ZNF773: variants seen among roughly 807,000 people sequenced by gnomAD.
The protein encoded by ZNF773 is zinc finger protein 419B.
ZNF773 carries 11 observed loss-of-function variants against 12.8 expected under a neutral mutation model. The ratio of observed to expected loss-of-function variants is 0.86; its 90% confidence interval spans 0.54 to 1.42. The LOEUF is 1.42. Among genes scored for constraint, ZNF773 ranks in the 40% most tolerant of loss-of-function variants. The pLI, the probability that ZNF773 is intolerant of heterozygous loss-of-function variation, is 0.00. For missense variants in ZNF773, 518 were observed against 527.2 expected (o/e 0.98, Z 0.17); for synonymous variants, 175 against 178.4 (o/e 0.98, Z 0.15).
chr19:57,503,989 C>T (rs1049069665), intron 1 of ZNF773, among the ~76,000 whole-genome samples: 9 of 152,144 alleles, frequency 5.9e-5, no homozygotes, highest in South Asian at 4.1e-4. Flanking sequence ...GTCAGAGGAA[C>T]GCTGACATTG....
chr19:57,505,474 G>C (rs1412201238), intron 3 of ZNF773, 74 bp downstream of exon 3: 6 of 1,529,706 alleles, frequency 3.9e-6, no homozygotes, highest in Middle Eastern at 1.7e-4. Flanking sequence ...TCTTTCCAGT[G>C]GGCCCAGATA....
intron 1 of ZNF773, among the ~76,000 whole-genome samples, chr19:57,504,075 G>A (rs2123253877): frequency 6.6e-6 from 1 of 152,318 alleles, no homozygotes; most frequent in South Asian, 2.1e-4. Context: ...CCAAGTAGCT[G>A]AAGGTGAAGC....
chr19:57,507,771 G>T lies in ZNF773; in HGVS notation c.*347G>T. On this transcript the variant is annotated 3_prime_UTR_variant, in exon 4 of 4. Coordinates refer to ENST00000282292, the MANE Select transcript of ZNF773 (RefSeq NM_198542.3). ...GGGCGGATCACAAGGTCAGGACATCGAAACCATCCTGGTTAACACAATGAA... is the reference window on the plus strand; with the variant it reads ...GGGCGGATCACAAGGTCAGGACATCTAAACCATCCTGGTTAACACAATGAA... 6 of 957,274 alleles carry T rather than the reference G, an allele frequency of 6.3e-6. No individual in the cohort carries two copies. The South Asian group carries it at 1.2e-4, about 20-fold the overall frequency. The allele number at this position is 957,274 out of a possible 1,614,324, so 59.3% of individuals were successfully genotyped here.
At chr19:57,516,401 G>A (rs7507809), downstream of ZNF773, 31,678 of 152,758 alleles carry the variant, frequency 0.21, 3,426 homozygotes, top group African/African-American at 0.25. Context: ...CCAGTAGTAC[G>A]ACCGGTACTC....
At position 57,507,329 on chromosome 19, in the gene ZNF773, G is replaced by T; in HGVS notation, c.1234G>T (p.Ala412Ser). 1 of 1,614,214 alleles carries T rather than the reference G, an allele frequency of 6.2e-7. No homozygotes were observed. The highest frequency in any genetic ancestry group is 8.5e-7 in the Non-Finnish European group (1 of 1,180,042). ...TAAACATCAGAGGGTTCACACTGGA[G>T]CAAAGCCTTATGAGTGCAGGGAATG... ...LVKHQRVHTG[A>S]KPYECRECGK... The change falls in exon 4 of 4, where the codon GCA becomes TCA. Residue 412 changes from alanine to serine, a missense_variant. Coordinates refer to ENST00000282292, the MANE Select transcript of ZNF773 (RefSeq NM_198542.3).
At chr19:57,511,081 T>G (rs1413731372), downstream of ZNF773, among the ~76,000 whole-genome samples, 1 of 148,996 alleles carries the variant, frequency 6.7e-6, no homozygotes, top group East Asian at 2.0e-4. Flanking sequence ...AGACGGAGTT[T>G]CGCTGTCACC....
At chr19:57,501,281 C>CTTTTTTTTTTT (rs11456589) in intron 1 of ZNF773, among the ~76,000 whole-genome samples, 1 of 137,506 alleles carries the variant, frequency 7.3e-6, no homozygotes, top group Non-Finnish European at 1.6e-5. Context: ...CTTTTTCTTT[C>CTTTTTTTTTTT]TTTTTTTTTT....
chr19:57,506,318 A>G, intron 3 of ZNF773, 40 bp from the exon 4 acceptor site: 1 of 1,573,050 alleles, frequency 6.4e-7, no homozygotes, highest in Non-Finnish European at 8.6e-7. Flanking sequence ...TTCTCACACC[A>G]AAGACTACAT....
chr19:57,504,994 G>C (rs1485565608), intron 2 of ZNF773: 1 of 908,126 alleles, frequency 1.1e-6, no homozygotes, highest in East Asian at 2.6e-5. Flanking sequence ...GAAAGGGTTT[G>C]GGGGTCAGGA....
downstream of ZNF773, among the ~76,000 whole-genome samples, chr19:57,511,691 A>G (rs1466200403): frequency 6.6e-6 from 1 of 151,968 alleles, no homozygotes; most frequent in Non-Finnish European, 1.5e-5. Context: ...AGTTTTATTT[A>G]TAAAAGCCAA....
At chr19:57,515,558 T>A (rs774879098), downstream of ZNF773, 1 of 152,212 alleles carries the variant, frequency 6.6e-6, no homozygotes, top group Non-Finnish European at 1.5e-5. Context: ...AGACACTTAC[T>A]CCCATATGCT....
chr19:57,515,495 G>A (rs2089825978), downstream of ZNF773: 1 of 152,226 alleles, frequency 6.6e-6, no homozygotes, highest in Non-Finnish European at 1.5e-5. Context: ...CTGGCAGATG[G>A]ATGTTACACA....
chr19:57,507,007 G>A lies in ZNF773; in HGVS notation c.912G>A (p.Glu304=), dbSNP rs554672319. 1.6e-4 allele frequency: 263 copies of A among 1,614,130 alleles called. 2 individuals carry two copies. In the South Asian group the frequency reaches 2.7e-3, roughly 17 times the overall value. The change falls in exon 4 of 4, where the codon GAG becomes GAA. Residue 304 remains glutamate (E), a synonymous_variant. Transcript: ENST00000282292. ...HRIHTGVRPY[E]CSECGKLFSF... is the part of the protein sequence containing the mutation. ...TCCACACTGGAGTAAGGCCTTATGA[G>A]TGCAGTGAATGTGGAAAATTGTTTA...
intron 1 of ZNF773, among the ~76,000 whole-genome samples, chr19:57,502,329 C>T (rs145786979): frequency 6.6e-6 from 1 of 152,236 alleles, no homozygotes; most frequent in Non-Finnish European, 1.5e-5. Flanking sequence ...TTAGAAAATA[C>T]GTGGAGGTAA....
intron 1 of ZNF773, among the ~76,000 whole-genome samples, chr19:57,503,229 C>T (rs746994644): frequency 6.6e-6 from 1 of 152,050 alleles, no homozygotes; most frequent in Non-Finnish European, 1.5e-5. Flanking sequence ...GGTGTATGGA[C>T]CAAATGGAGC....
chr19:57,506,714 G>A lies in ZNF773; in HGVS notation c.619G>A (p.Val207Ile). The A allele has an allele frequency of 6.2e-7, 1 of 1,614,222 alleles. No individual in the cohort carries two copies. Among genetic ancestry groups the A allele is most frequent in the Non-Finnish European group, 8.5e-7 (1 of 1,180,042 alleles). The change falls in exon 4 of 4, where the codon GTT (valine) becomes ATT (isoleucine). Residue 207 changes from valine to isoleucine, a missense_variant. Transcript: ENST00000282292. ...GKAFGQKYLL[V>I]QHQRLHTGEK... ...AGCCTTTGGTCAGAAATATTTACTT[G>A]TTCAGCACCAGAGACTGCACACTGG...
intron 1 of ZNF773, among the ~76,000 whole-genome samples, chr19:57,502,458 T>TTTTG (rs1162391462): frequency 6.6e-6 from 1 of 152,062 alleles, no homozygotes; most frequent in Non-Finnish European, 1.5e-5. Context: ...TTGTTTGTAT[T>TTTTG]TTTGTTTGTT....
At chr19:57,515,460 C>T (rs2089825852), downstream of ZNF773, 1 of 152,228 alleles carries the variant, frequency 6.6e-6, no homozygotes, top group African/African-American at 2.4e-5. Flanking sequence ...GGATGTAACC[C>T]ACTAGGCTTG....
intron 1 of ZNF773, 121 bp from the exon 2 acceptor site, chr19:57,504,536 G>A: frequency 3.4e-6 from 5 of 1,450,216 alleles, no homozygotes; most frequent in Non-Finnish European, 4.7e-6. Flanking sequence ...GTGGTTCTGG[G>A]GCAGGGTCTC....
Sources: gnomAD v4.1 joint callset for allele counts (sites outside exome capture counted in the v4.1 genomes callset) on GRCh38, gnomAD v4.1.1 for gene constraint, MANE v1.5 for transcripts, NCBI Gene and HGNC (gene_info 2026-07-23, HGNC 2026-07-21) for gene names.